MSN: variants seen among roughly 807,000 people sequenced by gnomAD.
MSN encodes the protein moesin, also known as epididymis luminal protein 70.
MSN carries 2 observed loss-of-function variants against 48.0 expected under a neutral mutation model. The observed-to-expected ratio is 0.04, with a 90% CI of 0.02 to 0.13. The LOEUF (loss-of-function observed/expected upper bound fraction) is 0.13. MSN is among the 10% of genes least tolerant of loss of function. The pLI, the probability that MSN is intolerant of heterozygous loss-of-function variation, is 1.00. For synonymous variants in MSN, 146 were observed against 166.9 expected, an observed-to-expected ratio of 0.87 and a Z score of 0.97; for missense variants, 267 against 470.1, an observed-to-expected ratio of 0.57 and a Z score of 3.99.
At chrX:65,718,821 A>G (rs1261598621) in intron 2 of MSN, among the ~76,000 whole-genome samples, 1 of 107,222 alleles carries the variant, frequency 9.3e-6, no homozygotes, top group African/African-American at 3.4e-5. Flanking sequence ...CTGTCTCTAA[A>G]AAAAAAAAAA....
chrX:65,621,208 C>T (rs765727029), intron 1 of MSN, among the ~76,000 whole-genome samples: 13 of 111,795 alleles, frequency 1.2e-4, no homozygotes, highest in African/African-American at 2.9e-4. Flanking sequence ...AGCCTCCGTG[C>T]CCTGCCCAGA....
At position 65,654,880 on chromosome X, in the gene MSN, T is replaced by C. The variant is rs1490400159; in HGVS notation, c.-21-61938T>C. Among the ~76,000 whole-genome samples, 3 of 111,212 alleles carry C rather than the reference T, an allele frequency of 2.7e-5. No homozygotes were observed. The East Asian group carries it at 8.5e-4, about 32-fold the overall frequency. ...TTTTCAGAGCGTTGTAGGTGGGAGC[T>C]TTTTATGCCAGGGTAATAGTTTTTA... is the stretch of plus-strand genomic sequence containing the variant. On this transcript the variant is annotated intron_variant, in intron 1 of 3. Transcript: ENST00000609672.
At chrX:65,689,129 C>T (rs1021441192) in intron 1 of MSN, among the ~76,000 whole-genome samples, 1 of 111,685 alleles carries the variant, frequency 9.0e-6, no homozygotes, top group African/African-American at 3.3e-5. Flanking sequence ...CCAGAGCAAT[C>T]TTGACCAAGT....
exon 1 of MSN, chrX:65,588,544 C>T: frequency 2.5e-6 from 2 of 807,120 alleles, no homozygotes; most frequent in Non-Finnish European, 3.0e-6. Context: ...CAGCCACCTC[C>T]AGCCCCGCCG....
chrX:65,615,064 A>T (rs1224332338), intron 1 of MSN, among the ~76,000 whole-genome samples: 6 of 104,940 alleles, frequency 5.7e-5, no homozygotes, highest in Non-Finnish European at 7.8e-5. Flanking sequence ...ATAGTATTCC[A>T]TGGTGTATAT....
rs769055235 is a variant in MSN at position 65,703,042 on chromosome X, G to A, written c.13-13776G>A. On this transcript the variant is annotated intron_variant, in intron 1 of 12. Transcript: ENST00000360270. Reference sequence around the variant, plus strand: ...ATGTAATCACCTTTTAGTTTTCCCTGAAAGTGAGAGTCCTTTATGCTAGAA... The same window carrying A: ...ATGTAATCACCTTTTAGTTTTCCCTAAAAGTGAGAGTCCTTTATGCTAGAA... 2.7e-5 allele frequency among the ~76,000 whole-genome samples: 3 copies of A among 111,866 alleles called. No homozygotes were observed. In the South Asian group the frequency reaches 1.1e-3, roughly 41 times the overall value.
At chrX:65,641,063 C>T (rs1300745599) in intron 1 of MSN, among the ~76,000 whole-genome samples, 1 of 109,667 alleles carries the variant, frequency 9.1e-6, no homozygotes, top group Non-Finnish European at 1.9e-5. Flanking sequence ...GAGCCAAGGT[C>T]GCGCCATTGC....
At chrX:65,680,407 AAATGAACATTCT>A (rs1334341860) in intron 1 of MSN, among the ~76,000 whole-genome samples, 1 of 112,301 alleles carries the variant, frequency 8.9e-6, no homozygotes. Flanking sequence ...TAATTTTAAG[AAATGAACATTCT>A]AATGGCCATG....
chrX:65,680,497 T>G (rs2071043837), intron 1 of MSN, among the ~76,000 whole-genome samples: 2 of 111,960 alleles, frequency 1.8e-5, no homozygotes, highest in Admixed American at 9.5e-5. Context: ...TTTAGATTAC[T>G]CCCAGCATTT....
rs767712102 is a variant in MSN, at chrX:65,737,196, G to A, written c.1109G>A (p.Arg370His). Reference protein sequence around the residue: ...KAQQELEEQTRRALELEQERK... With the variant: ...KAQQELEEQTHRALELEQERK... ...TGCTCAGAACTGGAAGAACAGACCC[G>A]TAGGGCTCTGGAACTTGAGCAGGAA... Residue 370 changes from arginine (R) to histidine (H), a missense_variant, in exon 10 of 13, where the codon CGT becomes CAT. By Grantham distance (29) the Arg-to-His change is conservative. This residue lies in a region of MSN where 70 missense variants were observed against 76.3 expected (regional missense o/e 0.92). Transcript: ENST00000360270. 7.5e-6 allele frequency: 9 copies of A among 1,205,775 alleles called. No homozygotes were observed. The highest frequency in any genetic ancestry group is 3.6e-5 in the South Asian group (2 of 55,850).
At chrX:65,651,504 T>C (rs2070741516) in intron 1 of MSN, among the ~76,000 whole-genome samples, 1 of 107,884 alleles carries the variant, frequency 9.3e-6, no homozygotes, top group Non-Finnish European at 1.9e-5. Flanking sequence ...AATATGGTGC[T>C]CTTTTTGTGG....
rs138795109 is a variant in MSN, at chrX:65,668,695, G to A, written c.12+842G>A. 8.0e-3 allele frequency among the ~76,000 whole-genome samples: 897 copies of A among 111,940 alleles called. 9 individuals are homozygous for A. The highest frequency in any genetic ancestry group is 0.027 in the African/African-American group (822 of 30,812). On this transcript the variant is annotated intron_variant, in intron 1 of 12. Coordinates refer to ENST00000360270, the MANE Select transcript of MSN (RefSeq NM_002444.3). ...GGAACAGAAGCCTCCTGGGAGTGGG[G>A]ATAGGGGGGCCGGATGCCCAGGAGG...
chrX:65,662,765 C>G (rs1426101603), upstream of MSN, among the ~76,000 whole-genome samples: 1 of 112,115 alleles, frequency 8.9e-6, no homozygotes, highest in Non-Finnish European at 1.9e-5. Context: ...AGAATTACAA[C>G]AAAAGCAAAA....
chrX:65,667,634 G>C, upstream of MSN: 1 of 1,015,024 alleles, frequency 9.9e-7, no homozygotes, highest in Non-Finnish European at 1.3e-6. Context: ...ACATAAAGGA[G>C]CGGGCGGCGC....
chrX:65,668,736 G>A (rs1178585093), intron 1 of MSN, among the ~76,000 whole-genome samples: 2 of 111,585 alleles, frequency 1.8e-5, no homozygotes, highest in East Asian at 5.7e-4. Flanking sequence ...GGGAGGAGGG[G>A]TGTGCCTGAC....
rs1174538089 is a variant in MSN, at chrX:65,735,341, A to G, written c.870A>G (p.Leu290=). The change falls in exon 8 of 13, where the codon CTA becomes CTG. Residue 290 remains leucine, a synonymous_variant. Coordinates refer to ENST00000360270, the MANE Select transcript of MSN (RefSeq NM_002444.3). The part of the protein sequence containing the change: ...ILALCMGNHE[L]YMRRRKPDTI... The stretch of plus-strand genomic sequence containing the variant: ...CCTTGTGCATGGGGAACCATGAACT[A>G]TACATGCGCCGTCGCAAGCCTGATA... 1.6e-5 allele frequency: 19 copies of G among 1,210,110 alleles called. No individual in the cohort carries two copies. Among genetic ancestry groups the G allele is most frequent in the Non-Finnish European group, 2.1e-5 (19 of 894,690 alleles).
At chrX:65,737,457 G>C in intron 10 of MSN, 119 bp downstream of exon 10, 1 of 851,080 alleles carries the variant, frequency 1.2e-6, no homozygotes, top group Non-Finnish European at 1.6e-6. Context: ...CACTCCATGG[G>C]CCTCCAGCAA....
intron 1 of MSN, among the ~76,000 whole-genome samples, chrX:65,657,371 G>A (rs1255032767): frequency 9.1e-6 from 1 of 110,142 alleles, no homozygotes; most frequent in Non-Finnish European, 1.9e-5. Flanking sequence ...GTTCACAGAC[G>A]GGCCATGAGC....
chrX:65,692,172 T>G (rs926197897), intron 1 of MSN, among the ~76,000 whole-genome samples: 1 of 112,564 alleles, frequency 8.9e-6, no homozygotes, highest in Non-Finnish European at 1.9e-5. Context: ...AGGGATCCCC[T>G]TCTTGCTTCT....
Sources: gnomAD v4.1 joint callset for allele counts (sites outside exome capture counted in the v4.1 genomes callset) on GRCh38, gnomAD v4.1.1 for gene constraint, gnomAD v4.1.1 regional missense constraint, MANE v1.5 for transcripts, NCBI Gene and HGNC (gene_info 2026-07-23, HGNC 2026-07-21) for gene names.